RGS7: variants seen among roughly 807,000 people sequenced by gnomAD.
The protein encoded by RGS7 is regulator of G-protein signaling 7.
In RGS7, 27 loss-of-function variants were observed where a neutral mutation model predicts 81.1. The ratio of observed to expected loss-of-function variants is 0.33; its 90% confidence interval spans 0.25 to 0.46. RGS7 has a LOEUF of 0.46. Among genes scored for constraint, RGS7 ranks in the 20% least tolerant of loss-of-function variants. The pLI is 1.00. For synonymous variants in RGS7, 208 were observed against 207.7 expected (o/e 1.00, Z -0.01); for missense variants, 396 against 607.4 (o/e 0.65, Z 3.66).
At chr1:240,996,963 G>A (rs1290204704) in intron 3 of RGS7, among the ~76,000 whole-genome samples, 1 of 151,310 alleles carries the variant, frequency 6.6e-6, no homozygotes, top group African/African-American at 2.4e-5. Flanking sequence ...TTGTTTGTTT[G>A]CTTGTTTTTA....
intron 2 of RGS7, among the ~76,000 whole-genome samples, chr1:241,319,545 G>A (rs1281816894): frequency 6.6e-6 from 1 of 151,924 alleles, no homozygotes; most frequent in African/African-American, 2.4e-5. Flanking sequence ...TATGTTTAGA[G>A]TCAGGGTCTT....
chr1:241,129,360 G>A (rs1219652959), intron 2 of RGS7, among the ~76,000 whole-genome samples: 1 of 152,092 alleles, frequency 6.6e-6, no homozygotes, highest in Non-Finnish European at 1.5e-5. Context: ...CCCGAGGCAG[G>A]ATGATTTCAG....
chr1:241,350,633 C>T (rs1348072379), intron 2 of RGS7, among the ~76,000 whole-genome samples: 1 of 149,568 alleles, frequency 6.7e-6, no homozygotes, highest in Non-Finnish European at 1.5e-5. Context: ...ATCAACTGGG[C>T]ACGGTGGTGC....
chr1:240,847,401 T>C (rs901238132), intron 9 of RGS7, among the ~76,000 whole-genome samples: 2 of 152,170 alleles, frequency 1.3e-5, no homozygotes, highest in Admixed American at 6.5e-5. Flanking sequence ...AAGAAGGAAG[T>C]TGGTGTTTGA....
At chr1:240,916,126 A>C (rs1672568788) in intron 6 of RGS7, among the ~76,000 whole-genome samples, 1 of 150,972 alleles carries the variant, frequency 6.6e-6, no homozygotes, top group Non-Finnish European at 1.5e-5. Context: ...AAAAAAAAAA[A>C]AAAAATTAGC....
chr1:240,833,335 G>A (rs931246910), intron 9 of RGS7, among the ~76,000 whole-genome samples: 4 of 152,160 alleles, frequency 2.6e-5, no homozygotes, highest in Admixed American at 6.5e-5. Flanking sequence ...AGAATGGCAC[G>A]AAATTACAAA....
intron 9 of RGS7, among the ~76,000 whole-genome samples, chr1:240,851,070 C>T (rs1489577184): frequency 2.0e-5 from 3 of 152,124 alleles, no homozygotes; most frequent in East Asian, 1.9e-4. Context: ...AGTTGATTTT[C>T]GATGTAGACA....
intron 2 of RGS7, among the ~76,000 whole-genome samples, chr1:241,251,806 G>A (rs1452814385): frequency 6.6e-6 from 1 of 151,938 alleles, no homozygotes; most frequent in Non-Finnish European, 1.5e-5. Flanking sequence ...CACCACGCCT[G>A]GCTGGGATTT....
intron 6 of RGS7, chr1:240,920,334 G>C: frequency 6.6e-7 from 1 of 1,520,532 alleles, no homozygotes; most frequent in Non-Finnish European, 9.0e-7. Flanking sequence ...TGGTGGCTTT[G>C]GTGGCAGCTG....
chr1:241,186,487 TC>T, intron 2 of RGS7: 1 of 860,246 alleles, frequency 1.2e-6, no homozygotes, highest in Non-Finnish European at 1.4e-6. Flanking sequence ...AAACTTCTTT[TC>T]CCTCAAATTA....
intron 4 of RGS7, among the ~76,000 whole-genome samples, chr1:240,974,203 TA>T (rs1331785781): frequency 6.6e-6 from 1 of 152,216 alleles, no homozygotes; most frequent in East Asian, 1.9e-4. Flanking sequence ...CTGGTATTTT[TA>T]CAACAGATAT....
At chr1:240,781,883 C>T (rs538615507) in intron 18 of RGS7, among the ~76,000 whole-genome samples, 36 of 152,012 alleles carry the variant, frequency 2.4e-4, no homozygotes, top group African/African-American at 8.4e-4. Flanking sequence ...GGCATGGTGG[C>T]GGTCACCTGT....
At position 240,870,400 on chromosome 1, in the gene RGS7, T is replaced by C. The variant is rs1387548632; in HGVS notation, c.386-281A>G. Among the ~76,000 whole-genome samples the C allele has an allele frequency of 3.9e-5, 6 of 152,132 alleles. No individual in the cohort carries two copies. In the South Asian group the frequency reaches 1.2e-3, roughly 32 times the overall value. ...ACCCTGGCTGAAGCAAGTGTAGTGG[T>C]AAGATCCTTGTTCACTGCAGCCACA... On this transcript the variant is annotated intron_variant, in intron 6 of 18. Coordinates refer to ENST00000440928, the MANE Select transcript of RGS7 (RefSeq NM_001364886.1).
chr1:241,085,974 G>A (rs1243912241), intron 3 of RGS7, among the ~76,000 whole-genome samples: 1 of 152,170 alleles, frequency 6.6e-6, no homozygotes, highest in African/African-American at 2.4e-5. Context: ...GCTGCTCCAA[G>A]TGAACTAAGG....
At chr1:241,327,036 A>AGAG (rs2081559416) in intron 2 of RGS7, among the ~76,000 whole-genome samples, 1 of 6,238 alleles carries the variant, frequency 1.6e-4, no homozygotes, top group Non-Finnish European at 3.2e-4. Context: ...GGAAGGAAGG[A>AGAG]AGGGAGGGAG....
At chr1:240,797,131 C>T (rs556249886) in intron 18 of RGS7, among the ~76,000 whole-genome samples, 2 of 152,264 alleles carry the variant, frequency 1.3e-5, no homozygotes, top group African/African-American at 4.8e-5. Flanking sequence ...ACCAATTAGT[C>T]TTCAGTCAGT....
chr1:241,106,148 C>A (rs761123946), intron 2 of RGS7, among the ~76,000 whole-genome samples: 1 of 152,180 alleles, frequency 6.6e-6, no homozygotes, highest in Non-Finnish European at 1.5e-5. Flanking sequence ...GAGTCAGTCT[C>A]TAATGAAAGT....
chr1:241,245,541 G>C (rs1054564360), intron 2 of RGS7, among the ~76,000 whole-genome samples: 2 of 151,656 alleles, frequency 1.3e-5, no homozygotes, highest in African/African-American at 4.8e-5. Flanking sequence ...TGGCACAGTG[G>C]CTCACGCCTA....
chr1:241,340,988 A>G (rs1251131115), intron 2 of RGS7, among the ~76,000 whole-genome samples: 1 of 152,218 alleles, frequency 6.6e-6, no homozygotes, highest in East Asian at 1.9e-4. Flanking sequence ...GGGAGGCACC[A>G]TCTAGGCAGC....
Sources: gnomAD v4.1 joint callset for allele counts (sites outside exome capture counted in the v4.1 genomes callset) on GRCh38, gnomAD v4.1.1 for gene constraint, MANE v1.5 for transcripts, NCBI Gene and HGNC (gene_info 2026-07-23, HGNC 2026-07-21) for gene names.